The following OSBPL3 variants were observed in gnomAD, a reference collection of about 807,000 sequenced individuals.
The protein encoded by OSBPL3 is oxysterol binding protein like 3.
In OSBPL3, 65 loss-of-function variants were observed where a neutral mutation model predicts 120.1. The ratio of observed to expected loss-of-function variants is 0.54; its 90% CI spans 0.44 to 0.67. OSBPL3 has a LOEUF of 0.67. OSBPL3 is among the 30% of genes least tolerant of loss of function. The pLI, the probability that OSBPL3 is intolerant of heterozygous loss-of-function variation, is 0.00. For synonymous variants in OSBPL3, 416 were observed against 402.6 expected, an observed-to-expected ratio of 1.03 and a Z score of -0.40; for missense variants, 1,004 against 1,082.1, an observed-to-expected ratio of 0.93 and a Z score of 1.01.
Position 24,802,636 on chromosome 7 carries a change from G to A in OSBPL3, c.2567+1679C>T, listed in dbSNP as rs1792514571. On this transcript the variant is annotated intron_variant, in intron 22 of 22. Coordinates refer to ENST00000313367, the MANE Select transcript of OSBPL3 (RefSeq NM_015550.4). This position sits in a 1 kb window ranked among gnomAD's most constrained non-coding sequence, Gnocchi z 4.1. Reference sequence around the variant, plus strand: ...TTAATGCCTCATGTTGGATCGAGTTGGTGAATCTCCTTAACTAGTCCTTGA... The same window carrying A: ...TTAATGCCTCATGTTGGATCGAGTTAGTGAATCTCCTTAACTAGTCCTTGA... Among the ~76,000 whole-genome samples the A allele has an allele frequency of 6.6e-6, 1 of 152,074 alleles. No homozygotes were observed. The highest frequency in any genetic ancestry group is 2.4e-5 in the African/African-American group (1 of 41,414).
intron 1 of OSBPL3, among the ~76,000 whole-genome samples, chr7:24,960,366 C>T (rs1486017133): frequency 2.0e-5 from 3 of 151,988 alleles, no homozygotes; most frequent in Non-Finnish European, 4.4e-5. Context: ...GAATCTTGAC[C>T]ACAACCCACG....
chr7:24,814,939 C>G (rs1315677612), intron 19 of OSBPL3, 120 bp downstream of exon 19: 6 of 881,076 alleles, frequency 6.8e-6, no homozygotes, highest in Non-Finnish European at 1.1e-5. Flanking sequence ...GGAGCTCAGG[C>G]ATTGCTTGCC....
chr7:24,830,780 A>T lies in OSBPL3; in HGVS notation c.1872T>A (p.Phe624Leu). Residue 624 changes from phenylalanine to leucine, a missense_variant, in exon 16 of 23, where the codon TTT becomes TTA. Around this residue, in one of 4 missense-constraint regions of OSBPL3, gnomAD observed 473 missense variants for 568.0 expected, o/e 0.83. Transcript: ENST00000313367. The surrounding 1 kb of genome is among the most constrained non-coding windows in gnomAD (Gnocchi z 4.4). ...ECIREDKGFQ[F>L]FSEQVSHHPP... ...GGTGTACATCTACCTGTTCTGAAAA[A>T]AACTGGAAGCCCTTGTCCTCCCGAA... The T allele has an allele frequency of 3.7e-6, 6 of 1,610,118 alleles. No individual in the cohort carries two copies. The highest frequency in any genetic ancestry group is 5.1e-6 in the Non-Finnish European group (6 of 1,179,062).
Position 24,800,062 on chromosome 7 carries a change from G to A in OSBPL3, c.*121C>T. 2 of 566,180 alleles carry A rather than the reference G, an allele frequency of 3.5e-6. No homozygotes were observed. The highest frequency in any genetic ancestry group is 6.4e-6 in the Non-Finnish European group (2 of 313,528). 35.1% of individuals were successfully genotyped at this position (566,180 alleles called of 1,614,324 possible). A position where few individuals can be genotyped will look rare whatever the true frequency, so the allele number is the denominator to read the frequency against. Reference sequence around the variant, plus strand: ...AAATATAGACTTAAAGAGTTACAATGCTAAGCTAAGCACAAGTGATCATCC... The same window carrying A: ...AAATATAGACTTAAAGAGTTACAATACTAAGCTAAGCACAAGTGATCATCC... On this transcript the variant is annotated 3_prime_UTR_variant, in exon 23 of 23. Coordinates refer to ENST00000313367, the MANE Select transcript of OSBPL3 (RefSeq NM_015550.4).
At chr7:24,977,857 A>G (rs949686048) in intron 1 of OSBPL3, among the ~76,000 whole-genome samples, 4 of 152,226 alleles carry the variant, frequency 2.6e-5, no homozygotes, top group Non-Finnish European at 4.4e-5. Context: ...CTACGTCTCA[A>G]AAAAAGAAAA....
rs567642228 is a variant in OSBPL3 at position 24,918,414 on chromosome 7, C to T, written c.-149-25793G>A. Among the ~76,000 whole-genome samples, 1 of 152,270 alleles carries T rather than the reference C, an allele frequency of 6.6e-6. No homozygotes were observed. The highest frequency in any genetic ancestry group is 2.1e-4 in the South Asian group (1 of 4,824). ...GTCTGGAATTACCCCAGAGAGAAAA[C>T]ATCTAGATAGAAGTATGTATTTGGA... On this transcript the variant is annotated intron_variant, in intron 1 of 22. Transcript: ENST00000313367. The surrounding 1 kb of genome is among the most constrained non-coding windows in gnomAD (Gnocchi z 4.3).
intron 1 of OSBPL3, among the ~76,000 whole-genome samples, chr7:24,897,486 C>G (rs112378634): frequency 6.6e-6 from 1 of 151,506 alleles, no homozygotes; most frequent in Non-Finnish European, 1.5e-5. Flanking sequence ...CTACCACGCC[C>G]GGCTAATTTT....
In OSBPL3 at chr7:24,936,714, G is replaced by C. The variant is rs1161016039; in HGVS notation, c.-150+43172C>G. On this transcript the variant is annotated intron_variant, in intron 1 of 22. Coordinates refer to ENST00000313367, the MANE Select transcript of OSBPL3 (RefSeq NM_015550.4). The surrounding 1 kb of genome is among the most constrained non-coding windows in gnomAD (Gnocchi z 4.2). ...CCTGCTGGAGAACAGGTATGTAGAA[G>C]TTAGGGAAGATGTGAAGGGATATGA... 6.6e-6 allele frequency among the ~76,000 whole-genome samples: 1 copy of C among 152,306 alleles called. No homozygotes were observed. The highest frequency in any genetic ancestry group is 2.4e-5 in the African/African-American group (1 of 41,564).
At chr7:24,935,733 G>C (rs147700179) in intron 1 of OSBPL3, among the ~76,000 whole-genome samples, 1,901 of 151,964 alleles carry the variant, frequency 0.013, 25 homozygotes, top group South Asian at 0.06. Flanking sequence ...CCTGGGGGTG[G>C]GGTGGGGGAA....
chr7:24,935,389 CTT>C (rs1013841829), intron 1 of OSBPL3, among the ~76,000 whole-genome samples: 1 of 152,064 alleles, frequency 6.6e-6, no homozygotes, highest in African/African-American at 2.4e-5. Flanking sequence ...CATGTACTCA[CTT>C]TGTGTGTATG....
chr7:24,919,889 G>A (rs910028632), intron 1 of OSBPL3, among the ~76,000 whole-genome samples: 1 of 151,468 alleles, frequency 6.6e-6, no homozygotes, highest in African/African-American at 2.4e-5. Context: ...CACAAAAAAT[G>A]GCCAATAAGC....
At chr7:24,838,255 G>C (rs191968954) in intron 14 of OSBPL3, among the ~76,000 whole-genome samples, 1 of 152,158 alleles carries the variant, frequency 6.6e-6, no homozygotes, top group African/African-American at 2.4e-5. Flanking sequence ...CAGCAATTTC[G>C]GAGGCTGAGG....
chr7:24,934,428 G>A (rs904675484), intron 1 of OSBPL3, among the ~76,000 whole-genome samples: 3 of 152,200 alleles, frequency 2.0e-5, no homozygotes, highest in African/African-American at 7.2e-5. Flanking sequence ...TTTACTGGTA[G>A]AGAATAGAGT....
rs1813199793 is a variant in OSBPL3, at chr7:24,942,336, CA to C, written c.-150+37549del. Among the ~76,000 whole-genome samples, 3 of 152,310 alleles carry C rather than the reference CA, an allele frequency of 2.0e-5. No homozygotes were observed. In the East Asian group the frequency reaches 5.8e-4, roughly 29 times the overall value. On this transcript the variant is annotated intron_variant, in intron 1 of 22. Coordinates refer to ENST00000313367, the MANE Select transcript of OSBPL3 (RefSeq NM_015550.4). ...AGTTCTAAATACAGCTAAGGGCCCC[CA>C]CACCTGACCACGGCACTAAGTGCAC...
At position 24,831,353 on chromosome 7, in the gene OSBPL3, T is replaced by C. The variant is rs539313133; in HGVS notation, c.1747-448A>G. 9.4e-4 allele frequency among the ~76,000 whole-genome samples: 143 copies of C among 152,314 alleles called. No homozygotes were observed. The highest frequency in any genetic ancestry group is 3.2e-3 in the African/African-American group (133 of 41,568). ...GGAATCAGCATCATAAATTTAACCA[T>C]TCAAAATGTGGTATTATAGAAACCA... On this transcript the variant is annotated intron_variant, in intron 15 of 22. Transcript: ENST00000313367. This position sits in a 1 kb window ranked among gnomAD's most constrained non-coding sequence, Gnocchi z 4.0.
chr7:24,980,007 G>C lies in OSBPL3; in HGVS notation c.-271C>G. The stretch of plus-strand genomic sequence containing the variant: ...GTACCCCCGCAACGTGCAGCTGACA[G>C]CTCCCGCACCGGCCGCAGGAGTCGG... On this transcript the variant is annotated 5_prime_UTR_variant, in exon 1 of 23. Coordinates refer to ENST00000313367, the MANE Select transcript of OSBPL3 (RefSeq NM_015550.4). The C allele has an allele frequency of 2.0e-6, 2 of 985,256 alleles. No homozygotes were observed. Among genetic ancestry groups the C allele is most frequent in the Non-Finnish European group, 2.4e-6 (2 of 829,906 alleles). 61.0% of individuals were successfully genotyped at this position (985,256 alleles called of 1,614,324 possible).
intron 1 of OSBPL3, among the ~76,000 whole-genome samples, chr7:24,925,956 T>C (rs1810996329): frequency 6.6e-6 from 1 of 152,244 alleles, no homozygotes; most frequent in Non-Finnish European, 1.5e-5. Context: ...GTTTATCTTG[T>C]TTCATTAAAA....
At chr7:24,828,946 A>T (rs75019247) in intron 16 of OSBPL3, among the ~76,000 whole-genome samples, 1 of 152,104 alleles carries the variant, frequency 6.6e-6, no homozygotes, top group Non-Finnish European at 1.5e-5. Context: ...CTAAATGCTG[A>T]GTTATGTAAC....
intron 1 of OSBPL3, among the ~76,000 whole-genome samples, chr7:24,920,797 C>T (rs1192829953): frequency 1.3e-5 from 2 of 152,030 alleles, no homozygotes; most frequent in Admixed American, 1.3e-4. Flanking sequence ...TGAATCTATA[C>T]CATCTAGTGA....
Sources: allele counts gnomAD v4.1 joint callset (sites outside exome capture counted in the v4.1 genomes callset), GRCh38; gene constraint gnomAD v4.1.1; regional missense constraint gnomAD v4.1.1; non-coding constraint Gnocchi (gnomAD v3.1); transcripts MANE v1.5; gene names NCBI Gene and HGNC (gene_info 2026-07-23, HGNC 2026-07-21).